YIPF7: variants seen among roughly 807,000 people sequenced by gnomAD.
YIPF7 encodes protein YIPF7.
In YIPF7, 35 loss-of-function variants were observed where a neutral mutation model predicts 27.2. That is an observed-to-expected ratio of 1.29 (90% CI 0.98 to 1.70). YIPF7 has a LOEUF of 1.70. Ranked by LOEUF, YIPF7 falls within the 40% of genes most tolerant of loss-of-function variation. YIPF7 has a pLI of 0.00. For missense variants in YIPF7, 358 were observed against 303.7 expected (o/e 1.18, Z -1.33); for synonymous variants, 137 against 110.4 (o/e 1.24, Z -1.51).
intron 3 of YIPF7, among the ~76,000 whole-genome samples, chr4:44,633,464 C>G (rs750236964): frequency 8.6e-5 from 13 of 152,016 alleles, no homozygotes; most frequent in Non-Finnish European, 1.5e-4. Context: ...TAAATCCTTA[C>G]TTCACATATT....
chr4:44,651,645 G>A, upstream of YIPF7: 1 of 1,553,954 alleles, frequency 6.4e-7, no homozygotes. Flanking sequence ...ATGACATGCT[G>A]GCTATATATA....
At chr4:44,632,590 A>G (rs2109582790) in intron 3 of YIPF7, among the ~76,000 whole-genome samples, 1 of 152,350 alleles carries the variant, frequency 6.6e-6, no homozygotes, top group South Asian at 2.1e-4. Flanking sequence ...AAAGTAGGAC[A>G]CTTTTGAAAC....
chr4:44,646,006 T>C (rs973384749), intron 2 of YIPF7, among the ~76,000 whole-genome samples: 4 of 152,206 alleles, frequency 2.6e-5, no homozygotes, highest in Non-Finnish European at 5.9e-5. Context: ...TTCATATGCT[T>C]CTATATTTTC....
intron 2 of YIPF7, among the ~76,000 whole-genome samples, chr4:44,641,929 C>G (rs968871794): frequency 6.6e-6 from 1 of 152,044 alleles, no homozygotes; most frequent in Non-Finnish European, 1.5e-5. Context: ...CTGGTAGAAA[C>G]AAATTAGCAA....
intron 2 of YIPF7, among the ~76,000 whole-genome samples, chr4:44,647,904 G>GTA (rs1713583831): frequency 6.6e-6 from 1 of 152,022 alleles, no homozygotes; most frequent in Admixed American, 6.6e-5. Flanking sequence ...GGATGTGTGT[G>GTA]TGTATAACAA....
chr4:44,632,396 C>T (rs939770701), intron 3 of YIPF7, among the ~76,000 whole-genome samples: 5 of 152,124 alleles, frequency 3.3e-5, no homozygotes, highest in Non-Finnish European at 4.4e-5. Context: ...ATGGAAGTCT[C>T]GAGCTACGCT....
At chr4:44,650,622 T>C (rs1167188259) in intron 1 of YIPF7, among the ~76,000 whole-genome samples, 1 of 152,210 alleles carries the variant, frequency 6.6e-6, no homozygotes, top group South Asian at 2.1e-4. Flanking sequence ...CATTTCCTTG[T>C]TCTACTTGGC....
At chr4:44,652,981 C>A (rs958523599), upstream of YIPF7, among the ~76,000 whole-genome samples, 2 of 151,990 alleles carry the variant, frequency 1.3e-5, no homozygotes, top group Non-Finnish European at 2.9e-5. Flanking sequence ...ATAGAATATA[C>A]TGTTAAGATG....
intron 2 of YIPF7, among the ~76,000 whole-genome samples, chr4:44,639,830 G>T (rs909885816): frequency 1.3e-5 from 2 of 152,020 alleles, no homozygotes; most frequent in African/African-American, 4.8e-5. Flanking sequence ...CTGTGGATTT[G>T]TCCTAAATAG....
chr4:44,634,472 C>A (rs1278411630), intron 3 of YIPF7, among the ~76,000 whole-genome samples: 1 of 151,940 alleles, frequency 6.6e-6, no homozygotes, highest in Non-Finnish European at 1.5e-5. Context: ...GCAGAGGTTG[C>A]AGAGAGCTGA....
intron 4 of YIPF7, among the ~76,000 whole-genome samples, chr4:44,628,544 G>A (rs1435332179): frequency 6.6e-6 from 1 of 152,004 alleles, no homozygotes. Context: ...ATCTCTTTGT[G>A]TCTTAATGAA....
upstream of YIPF7, among the ~76,000 whole-genome samples, chr4:44,652,810 TG>T (rs901983100): frequency 1.3e-5 from 2 of 152,230 alleles, no homozygotes; most frequent in Admixed American, 6.5e-5. Context: ...ATTTAATTTT[TG>T]TAACAACCTG....
intron 3 of YIPF7, among the ~76,000 whole-genome samples, chr4:44,633,350 G>A (rs1449472451): frequency 1.3e-5 from 2 of 152,148 alleles, no homozygotes; most frequent in Non-Finnish European, 2.9e-5. Context: ...TGTATAGAAA[G>A]TGGTAAATTA....
chr4:44,640,296 A>G (rs2109590331), intron 2 of YIPF7, among the ~76,000 whole-genome samples: 1 of 152,316 alleles, frequency 6.6e-6, no homozygotes, highest in Admixed American at 6.5e-5. Context: ...GTAGAATTCG[A>G]CTGTGAATTC....
intron 3 of YIPF7, among the ~76,000 whole-genome samples, chr4:44,630,239 A>G (rs2109580542): frequency 6.6e-6 from 1 of 152,284 alleles, no homozygotes; most frequent in South Asian, 2.1e-4. Context: ...AAGTGCTGGG[A>G]TTACAGACCT....
At chr4:44,645,211 T>C (rs915456497) in intron 2 of YIPF7, among the ~76,000 whole-genome samples, 39 of 152,236 alleles carry the variant, frequency 2.6e-4, no homozygotes, top group African/African-American at 8.9e-4. Flanking sequence ...TAAAAATTTA[T>C]ATGAACAACT....
At chr4:44,630,352 T>G (rs1236284261) in intron 3 of YIPF7, among the ~76,000 whole-genome samples, 1 of 152,210 alleles carries the variant, frequency 6.6e-6, no homozygotes, top group East Asian at 1.9e-4. Context: ...AGTACTATAA[T>G]GAACTAATGA....
chr4:44,646,128 T>C (rs1239877343), intron 2 of YIPF7, among the ~76,000 whole-genome samples: 2 of 152,336 alleles, frequency 1.3e-5, no homozygotes, highest in South Asian at 2.1e-4. Flanking sequence ...TTGGTGTTTA[T>C]TAATTCCAGA....
rs985558676 is a variant in YIPF7, at chr4:44,622,164, C to T, written c.*250G>A. ...CTCTATTGAGAAAAGCAGGGTTGAT[C>T]AGTACAGCAACTGTATCCCTTTTGA... On this transcript the variant is annotated 3_prime_UTR_variant, in exon 6 of 6. Transcript: ENST00000415895. 1.0e-5 allele frequency: 4 copies of T among 392,492 alleles called. No individual in the cohort carries two copies. The highest frequency in any genetic ancestry group is 6.2e-5 in the African/African-American group (3 of 48,064). The allele number at this position is 392,492 out of a possible 1,614,324, so 24.3% of individuals were successfully genotyped here.
Sources: allele counts gnomAD v4.1 joint callset (sites outside exome capture counted in the v4.1 genomes callset), GRCh38; gene constraint gnomAD v4.1.1; transcripts MANE v1.5; gene names NCBI Gene and HGNC (gene_info 2026-07-23, HGNC 2026-07-21).